Variants in LRRC4C observed in about 807,000 individuals in gnomAD.
LRRC4C encodes leucine-rich repeat-containing protein 4C.
LRRC4C carries 5 observed loss-of-function variants against 33.6 expected under a neutral mutation model. The ratio of observed to expected loss-of-function variants is 0.15; its 90% CI spans 0.08 to 0.31. The LOEUF (loss-of-function observed/expected upper bound fraction) is 0.31, where lower values mean the gene tolerates loss of function less well. LRRC4C is among the 10% of genes least tolerant of loss of function. LRRC4C has a pLI of 1.00. For missense variants in LRRC4C, 560 were observed against 796.7 expected, an observed-to-expected ratio of 0.70 and a Z score of 3.58; for synonymous variants, 329 against 302.0, an observed-to-expected ratio of 1.09 and a Z score of -0.93.
intron 2 of LRRC4C, among the ~76,000 whole-genome samples, chr11:40,832,344 G>T (rs1423527064): frequency 6.6e-6 from 1 of 151,998 alleles, no homozygotes; most frequent in Non-Finnish European, 1.5e-5. Context: ...AATATGATAG[G>T]TTAATCATCT....
rs146636438 is a variant in LRRC4C, at chr11:40,555,347, TG to T, written c.-270+92794del. Among the ~76,000 whole-genome samples the T allele has an allele frequency of 5.5e-3, 835 of 152,324 alleles. 11 individuals carry two copies. Among genetic ancestry groups the T allele is most frequent in the African/African-American group, 0.019 (796 of 41,574 alleles). ...CAGTGGTCCTGTCAAGATGTATATTTGGGGTAAAATCACTCTCTGAAATATT... is the reference window on the plus strand; with the variant it reads ...CAGTGGTCCTGTCAAGATGTATATTTGGGTAAAATCACTCTCTGAAATATT... On this transcript the variant is annotated intron_variant, in intron 3 of 6. Coordinates refer to ENST00000528697, the MANE Select transcript of LRRC4C (RefSeq NM_001258419.2).
At chr11:40,432,968 G>A (rs926913688) in intron 3 of LRRC4C, among the ~76,000 whole-genome samples, 7 of 150,502 alleles carry the variant, frequency 4.7e-5, no homozygotes, top group Non-Finnish European at 8.8e-5. Flanking sequence ...TACGTTTTAA[G>A]TAACAAATAA....
intron 2 of LRRC4C, among the ~76,000 whole-genome samples, chr11:40,758,685 A>T (rs554339266): frequency 5.5e-4 from 84 of 152,188 alleles, no homozygotes; most frequent in African/African-American, 1.9e-3. Flanking sequence ...TAAAGATACT[A>T]GAGATGAGTG....
intron 3 of LRRC4C, among the ~76,000 whole-genome samples, chr11:40,600,512 A>T (rs1363310081): frequency 1.3e-5 from 2 of 152,170 alleles, no homozygotes; most frequent in African/African-American, 4.8e-5. Flanking sequence ...TAGCAAGACC[A>T]TCCCTCACAT....
intron 3 of LRRC4C, among the ~76,000 whole-genome samples, chr11:40,336,893 C>T (rs1408398195): frequency 2.9e-5 from 4 of 138,464 alleles, no homozygotes; most frequent in South Asian, 2.3e-4. Flanking sequence ...AGGAGAATGG[C>T]GTGAACCCGG....
chr11:40,965,127 A>G (rs1343537785), intron 1 of LRRC4C, among the ~76,000 whole-genome samples: 2 of 152,052 alleles, frequency 1.3e-5, no homozygotes, highest in African/African-American at 4.8e-5. Context: ...GCCAGTGATG[A>G]TGAGCATTTT....
At chr11:40,773,771 C>T (rs1949861930) in intron 2 of LRRC4C, among the ~76,000 whole-genome samples, 3 of 152,098 alleles carry the variant, frequency 2.0e-5, no homozygotes, top group Non-Finnish European at 4.4e-5. Context: ...ACTTGCCCAA[C>T]TATATGTGGG....
intron 3 of LRRC4C, among the ~76,000 whole-genome samples, chr11:40,589,414 G>T (rs1958927639): frequency 6.6e-6 from 1 of 152,242 alleles, no homozygotes; most frequent in South Asian, 2.1e-4. Context: ...ACACTGATGG[G>T]TCTTGAGTCT....
intron 2 of LRRC4C, among the ~76,000 whole-genome samples, chr11:40,825,863 G>A (rs1051808583): frequency 5.0e-5 from 7 of 140,040 alleles, no homozygotes; most frequent in African/African-American, 1.0e-4. Context: ...TATTCTTTTC[G>A]TAAGAAAAAA....
chr11:40,725,862 A>G, intron 2 of LRRC4C, among the ~76,000 whole-genome samples: 1 of 152,196 alleles, frequency 6.6e-6, no homozygotes, highest in African/African-American at 2.4e-5. Flanking sequence ...CAAGCCTATT[A>G]CATCTTGCCT....
chr11:41,376,324 T>C (rs1223259431), intron 1 of LRRC4C, among the ~76,000 whole-genome samples: 8 of 152,254 alleles, frequency 5.3e-5, no homozygotes, highest in East Asian at 1.9e-4. Flanking sequence ...AAAAAATAAC[T>C]AGCAAGTCTG....
intron 1 of LRRC4C, among the ~76,000 whole-genome samples, chr11:40,992,447 G>A (rs181619434): frequency 1.6e-4 from 22 of 139,354 alleles, no homozygotes; most frequent in African/African-American, 5.2e-4. Context: ...TTTTTTTTTC[G>A]GATTCTCAGT....
At chr11:40,422,597 A>G (rs887058785) in intron 3 of LRRC4C, among the ~76,000 whole-genome samples, 1 of 152,178 alleles carries the variant, frequency 6.6e-6, no homozygotes, top group Non-Finnish European at 1.5e-5. Flanking sequence ...AAGGTGAATA[A>G]CAGAGTTTTG....
In LRRC4C at chr11:41,361,979, CATA is replaced by C. The variant is rs1952370655; in HGVS notation, c.-496+97449_-496+97451del. 2.0e-5 allele frequency among the ~76,000 whole-genome samples: 3 copies of C among 152,218 alleles called. 1 individual carries two copies. Among genetic ancestry groups the C allele is most frequent in the South Asian group, 4.1e-4 (2 of 4,824 alleles). On this transcript the variant is annotated intron_variant, in intron 1 of 6. Transcript: ENST00000528697. ...TATTAATAATTGCTACTATTCATGG[CATA>C]ATAAGATACACACATATACATATAC...
At chr11:40,635,283 A>T (rs574102293) in intron 3 of LRRC4C, among the ~76,000 whole-genome samples, 23 of 152,336 alleles carry the variant, frequency 1.5e-4, no homozygotes, top group Admixed American at 3.3e-4. Flanking sequence ...AATCTCAATT[A>T]TAATTAAGCT....
intron 5 of LRRC4C, among the ~76,000 whole-genome samples, chr11:40,148,756 G>A (rs2169474): frequency 0.022 from 3,280 of 152,100 alleles, 121 homozygotes; most frequent in African/African-American, 0.075. Context: ...ATTCTTGCCT[G>A]TTCCTATGGC....
At chr11:40,396,588 A>G (rs1197808859) in intron 3 of LRRC4C, among the ~76,000 whole-genome samples, 1 of 152,174 alleles carries the variant, frequency 6.6e-6, no homozygotes, top group Non-Finnish European at 1.5e-5. Context: ...CCAAAATATT[A>G]GAGAACATGT....
intron 2 of LRRC4C, among the ~76,000 whole-genome samples, chr11:40,819,808 A>G (rs1951854604): frequency 6.6e-6 from 1 of 151,798 alleles, no homozygotes; most frequent in Non-Finnish European, 1.5e-5. Context: ...GTTAAGCATA[A>G]TTTCTGATCA....
At chr11:40,469,800 G>T (rs1237864409) in intron 3 of LRRC4C, among the ~76,000 whole-genome samples, 1 of 152,170 alleles carries the variant, frequency 6.6e-6, no homozygotes, top group Non-Finnish European at 1.5e-5. Context: ...CCAGAGCTCG[G>T]CAAAGCTGCT....
Sources: gnomAD v4.1 joint callset for allele counts (sites outside exome capture counted in the v4.1 genomes callset) on GRCh38, gnomAD v4.1.1 for gene constraint, MANE v1.5 for transcripts, NCBI Gene and HGNC (gene_info 2026-07-23, HGNC 2026-07-21) for gene names.